The following ORC5 variants were observed in gnomAD, a reference collection of about 807,000 sequenced individuals.
ORC5 encodes origin recognition complex subunit 5, also known as protein phosphatase 1, regulatory subunit 117.
Under a neutral mutation model 58.8 loss-of-function variants are expected in ORC5, and 39 were observed. That is an observed-to-expected ratio of 0.66 (90% CI 0.51 to 0.87). The LOEUF is 0.87. Ranked by LOEUF, ORC5 falls within the 40% of genes least tolerant of loss-of-function variation. The pLI, the probability that ORC5 is intolerant of heterozygous loss-of-function variation, is 0.00. For missense variants in ORC5, 493 were observed against 506.3 expected, an observed-to-expected ratio of 0.97 and a Z score of 0.25; for synonymous variants, 218 against 177.6, an observed-to-expected ratio of 1.23 and a Z score of -1.81.
chr7:104,197,578 A>C (rs10271923), intron 4 of ORC5, 147 bp downstream of exon 4: 10,924 of 527,604 alleles, frequency 0.021, 972 homozygotes, highest in African/African-American at 0.2. Flanking sequence ...CTATGAAAAA[A>C]ACACTGAGCT....
intron 8 of ORC5, among the ~76,000 whole-genome samples, chr7:104,179,593 C>G (rs553719931): frequency 6.8e-6 from 1 of 146,010 alleles, no homozygotes; most frequent in East Asian, 2.0e-4. Flanking sequence ...GAGGTTTTCA[C>G]TTTGAATTCT....
intron 3 of ORC5, among the ~76,000 whole-genome samples, chr7:104,199,181 T>TG (rs60227212): frequency 1 from 152,335 of 152,342 alleles, 76,164 homozygotes; most frequent in Middle Eastern, 1. Flanking sequence ...GAGTCCCCAC[T>TG]GGGCACTGCC....
At chr7:104,127,116 T>TA (rs1276128718) in intron 13 of ORC5, among the ~76,000 whole-genome samples, 2 of 151,820 alleles carry the variant, frequency 1.3e-5, no homozygotes, top group East Asian at 1.9e-4. Flanking sequence ...TTTGCCTTTC[T>TA]AAAAAAAAGT....
chr7:104,142,322 T>C (rs1176964899), intron 12 of ORC5, among the ~76,000 whole-genome samples: 1 of 152,112 alleles, frequency 6.6e-6, no homozygotes, highest in African/African-American at 2.4e-5. Flanking sequence ...TCCCTGATAT[T>C]AGTTTTGGCA....
At chr7:104,200,452 AT>A (rs1799911436) in intron 3 of ORC5, among the ~76,000 whole-genome samples, 1 of 152,154 alleles carries the variant, frequency 6.6e-6, no homozygotes, top group Non-Finnish European at 1.5e-5. Context: ...GAATACTCTG[AT>A]TCATTTAGGT....
chr7:104,179,640 GT>G (rs571710790), intron 8 of ORC5, among the ~76,000 whole-genome samples: 3 of 150,428 alleles, frequency 2.0e-5, no homozygotes, highest in South Asian at 4.2e-4. Context: ...CTAAACTGCA[GT>G]TTTTTTTGTT....
intron 11 of ORC5, among the ~76,000 whole-genome samples, chr7:104,164,139 G>T (rs1799069224): frequency 6.6e-6 from 1 of 152,158 alleles, no homozygotes; most frequent in Non-Finnish European, 1.5e-5. Context: ...GAGACATTAG[G>T]TTGGGCATGG....
chr7:104,201,669 T>C (rs551528038), intron 2 of ORC5, among the ~76,000 whole-genome samples: 32 of 150,654 alleles, frequency 2.1e-4, no homozygotes, highest in African/African-American at 7.5e-4. Flanking sequence ...CATATTTGAA[T>C]GTTAAAAATC....
intron 12 of ORC5, among the ~76,000 whole-genome samples, chr7:104,145,780 G>A (rs967191049): frequency 3.9e-5 from 6 of 152,170 alleles, no homozygotes; most frequent in East Asian, 3.9e-4. Context: ...TAGAGGGTGC[G>A]AGTCTTAGAA....
chr7:104,163,755 T>G (rs1799062104), intron 11 of ORC5, among the ~76,000 whole-genome samples: 3 of 152,184 alleles, frequency 2.0e-5, no homozygotes, highest in Admixed American at 1.3e-4. Flanking sequence ...CCTCCCAAAG[T>G]GCTGGGACTA....
At chr7:104,192,436 A>G (rs1306842942) in intron 5 of ORC5, among the ~76,000 whole-genome samples, 1 of 152,178 alleles carries the variant, frequency 6.6e-6, no homozygotes, top group African/African-American at 2.4e-5. Flanking sequence ...CATACAGGGC[A>G]TTCAGTAGAG....
Position 104,130,181 on chromosome 7 carries a change from C to T in ORC5, c.1263-3288G>A, listed in dbSNP as rs530176928. Among the ~76,000 whole-genome samples the T allele has an allele frequency of 2.0e-5, 3 of 152,144 alleles. No individual in the cohort carries two copies. The East Asian group carries it at 5.8e-4, about 29-fold the overall frequency. ...CAATTGAAAATGTGTAACTACCATT[C>T]ACATTAAGAACAATCCAAGAACAAA... On this transcript the variant is annotated intron_variant, in intron 13 of 13. Transcript: ENST00000297431.
intron 5 of ORC5, among the ~76,000 whole-genome samples, chr7:104,194,648 C>T (rs934007772): frequency 6.6e-6 from 1 of 151,988 alleles, no homozygotes; most frequent in Admixed American, 6.5e-5. Context: ...ATAAGCGCAA[C>T]ATGGTACTTA....
chr7:104,139,208 C>A (rs930254559), intron 12 of ORC5, among the ~76,000 whole-genome samples: 4 of 152,202 alleles, frequency 2.6e-5, no homozygotes. Context: ...GAGACTAATA[C>A]TTTACAAATG....
At chr7:104,180,925 T>C (rs1352096130) in intron 8 of ORC5, among the ~76,000 whole-genome samples, 3 of 152,220 alleles carry the variant, frequency 2.0e-5, no homozygotes, top group Non-Finnish European at 4.4e-5. Context: ...TAAGTCTCTG[T>C]CATCCTACAG....
At chr7:104,146,961 TG>T (rs1470205337) in intron 12 of ORC5, among the ~76,000 whole-genome samples, 5 of 152,302 alleles carry the variant, frequency 3.3e-5, no homozygotes, top group African/African-American at 9.6e-5. Context: ...GTTTTACAAC[TG>T]TGTGTGAATC....
chr7:104,205,981 C>G (rs943084685), intron 1 of ORC5, among the ~76,000 whole-genome samples: 2 of 152,170 alleles, frequency 1.3e-5, no homozygotes, highest in African/African-American at 4.8e-5. Flanking sequence ...GCACTCCAGC[C>G]TGGGAAAGAA....
chr7:104,184,073 G>A (rs1363771520), intron 7 of ORC5, 40 bp from the exon 8 acceptor site: 1 of 1,588,282 alleles, frequency 6.3e-7, no homozygotes, highest in Non-Finnish European at 8.6e-7. Context: ...TTTATATCTT[G>A]TAAAAACCTT....
intron 2 of ORC5, 81 bp downstream of exon 2, chr7:104,204,061 C>T (rs1800012595): frequency 3.0e-6 from 2 of 668,312 alleles, no homozygotes; most frequent in Admixed American, 6.1e-5. Context: ...TTCAATTTTG[C>T]ATTTGTGGAG....
Sources: gnomAD v4.1 joint callset for allele counts (sites outside exome capture counted in the v4.1 genomes callset) on GRCh38, gnomAD v4.1.1 for gene constraint, MANE v1.5 for transcripts, NCBI Gene and HGNC (gene_info 2026-07-23, HGNC 2026-07-21) for gene names.